The following CSGALNACT2 variants were observed in gnomAD, a reference collection of about 807,000 sequenced individuals.
The protein encoded by CSGALNACT2 is chondroitin sulfate N-acetylgalactosaminyltransferase 2.
In CSGALNACT2, 35 loss-of-function variants were observed where a neutral mutation model predicts 55.3. That is an observed-to-expected ratio of 0.63 (90% CI 0.48 to 0.84). CSGALNACT2 has a LOEUF of 0.84. Among genes scored for constraint, CSGALNACT2 ranks in the 40% least tolerant of loss-of-function variants. CSGALNACT2 has a pLI of 0.00. For missense variants in CSGALNACT2, 544 were observed against 657.5 expected (o/e 0.83, Z 1.89); for synonymous variants, 196 against 224.9 (o/e 0.87, Z 1.15).
Position 43,158,835 on chromosome 10 carries a change from A to G in CSGALNACT2, c.782A>G (p.Lys261Arg), listed in dbSNP as rs757936039. The G allele has an allele frequency of 1.2e-6, 2 of 1,611,120 alleles. No homozygotes were observed. Among genetic ancestry groups the G allele is most frequent in the Non-Finnish European group, 1.7e-6 (2 of 1,177,344 alleles). ...CCTTTTGGACCTCTCATGAAAGTGA[A>G]GAGTGAGATGATTGACATCACTAGA... ...FRPFGPLMKV[K>R]SEMIDITRSI... is the part of the protein sequence containing the mutation. The change falls in exon 3 of 8, where the codon AAG becomes AGG. Residue 261 changes from lysine (K) to arginine (R), a missense_variant. By Grantham distance (26) the Lys-to-Arg change is conservative. Transcript: ENST00000374466.
rs1370272470 is a variant in CSGALNACT2 at position 43,147,334 on chromosome 10, G to A, written c.-253-7563G>A. On this transcript the variant is annotated intron_variant, in intron 1 of 7. Transcript: ENST00000374466. ...AGGCCTTTTCCCACATTTTAATTGA[G>A]TTGTGTTTGTTATTATTTCATTTTG... is the stretch of plus-strand genomic sequence containing the variant. Among the ~76,000 whole-genome samples the A allele has an allele frequency of 8.7e-5, 5 of 57,600 alleles. No individual in the cohort carries two copies. In the South Asian group the frequency reaches 1.8e-3, roughly 20 times the overall value. The allele number at this position is 57,600 out of a possible 152,430, so 37.8% of individuals were successfully genotyped here.
intron 7 of CSGALNACT2, among the ~76,000 whole-genome samples, chr10:43,182,211 G>A (rs1234496753): frequency 6.6e-6 from 1 of 151,812 alleles, no homozygotes; most frequent in South Asian, 2.1e-4. Context: ...CATTTATGCT[G>A]CCAGGTCCAG....
At chr10:43,142,438 G>A (rs765829690) in intron 1 of CSGALNACT2, among the ~76,000 whole-genome samples, 2 of 152,078 alleles carry the variant, frequency 1.3e-5, no homozygotes, top group Non-Finnish European at 2.9e-5. Context: ...TCCTGACCTC[G>A]TGATCTGCCT....
At chr10:43,142,329 G>A (rs960266803) in intron 1 of CSGALNACT2, among the ~76,000 whole-genome samples, 43 of 151,626 alleles carry the variant, frequency 2.8e-4, no homozygotes, top group African/African-American at 9.5e-4. Flanking sequence ...CTCCTGCCTC[G>A]GCTTCCTGAG....
rs894157599 is a variant in CSGALNACT2, at chr10:43,140,193, AAAG to A, written c.-254+1628_-254+1630del. On this transcript the variant is annotated intron_variant, in intron 1 of 7. Coordinates refer to ENST00000374466, the MANE Select transcript of CSGALNACT2 (RefSeq NM_018590.5). ...CGGTCTCAAAAAGAAAAGAAAAAAA[AAAG>A]AGTACTGTGGACATTCTTGTAAATT... Among the ~76,000 whole-genome samples the A allele has an allele frequency of 2.0e-4, 31 of 152,324 alleles. No homozygotes were observed. In the South Asian group the frequency reaches 4.2e-3, roughly 20 times the overall value.
At chr10:43,166,887 T>TA in intron 5 of CSGALNACT2, 117 bp from the exon 6 acceptor site, 1 of 577,328 alleles carries the variant, frequency 1.7e-6, no homozygotes, top group Non-Finnish European at 3.1e-6. Flanking sequence ...GCCTGAATAT[T>TA]AAAAAATAGA....
chr10:43,152,637 A>G (rs959068999), intron 1 of CSGALNACT2, among the ~76,000 whole-genome samples: 4 of 152,218 alleles, frequency 2.6e-5, no homozygotes, highest in African/African-American at 9.6e-5. Flanking sequence ...TATAGCTCAT[A>G]GTCTAAAATA....
At chr10:43,153,179 A>G (rs1838915290) in intron 1 of CSGALNACT2, among the ~76,000 whole-genome samples, 1 of 152,210 alleles carries the variant, frequency 6.6e-6, no homozygotes, top group Non-Finnish European at 1.5e-5. Context: ...TACTAAAAAT[A>G]CAAAAATTAG....
At chr10:43,173,577 T>C (rs1839422475) in intron 6 of CSGALNACT2, among the ~76,000 whole-genome samples, 1 of 152,236 alleles carries the variant, frequency 6.6e-6, no homozygotes, top group East Asian at 1.9e-4. Context: ...GAAGAATTTT[T>C]AGAGAAACTA....
chr10:43,142,475 T>C (rs1207266770), intron 1 of CSGALNACT2, among the ~76,000 whole-genome samples: 1 of 152,206 alleles, frequency 6.6e-6, no homozygotes, highest in East Asian at 1.9e-4. Context: ...GTGCTGGGAT[T>C]ACACGCATGA....
chr10:43,152,954 T>C (rs1335896416), intron 1 of CSGALNACT2, among the ~76,000 whole-genome samples: 2 of 152,228 alleles, frequency 1.3e-5, no homozygotes, highest in Non-Finnish European at 2.9e-5. Flanking sequence ...GAAATAATAC[T>C]AGTTATTTTT....
chr10:43,151,775 T>G (rs1457574712), intron 1 of CSGALNACT2, among the ~76,000 whole-genome samples: 1 of 152,202 alleles, frequency 6.6e-6, no homozygotes, highest in Non-Finnish European at 1.5e-5. Flanking sequence ...TAGGTTCCCC[T>G]CCTTGTGTGG....
At chr10:43,179,012 A>G (rs1433639768) in intron 7 of CSGALNACT2, among the ~76,000 whole-genome samples, 1 of 152,050 alleles carries the variant, frequency 6.6e-6, no homozygotes, top group African/African-American at 2.4e-5. Flanking sequence ...AGCTACTCTA[A>G]TGAATTTTTA....
intron 1 of CSGALNACT2, among the ~76,000 whole-genome samples, chr10:43,146,415 C>T (rs541383305): frequency 2.2e-4 from 33 of 152,342 alleles, no homozygotes; most frequent in Admixed American, 2.0e-3. Context: ...ATTCTACCCC[C>T]GCTGGCAGCT....
intron 1 of CSGALNACT2, among the ~76,000 whole-genome samples, chr10:43,147,776 A>C (rs1021270185): frequency 3.0e-5 from 4 of 135,390 alleles, no homozygotes; most frequent in Non-Finnish European, 6.4e-5. Context: ...TTGCTTGTCG[A>C]GTTATCTTTT....
chr10:43,170,719 G>A (rs1839365480), intron 6 of CSGALNACT2, among the ~76,000 whole-genome samples: 1 of 152,146 alleles, frequency 6.6e-6, no homozygotes, highest in African/African-American at 2.4e-5. Context: ...AAAGAACATA[G>A]TATGGAAAGA....
chr10:43,176,176 G>A, intron 7 of CSGALNACT2, 144 bp downstream of exon 7: 3 of 524,562 alleles, frequency 5.7e-6, no homozygotes, highest in South Asian at 3.9e-5. Flanking sequence ...ATATACAAAA[G>A]GCAAAATAAG....
intron 6 of CSGALNACT2, among the ~76,000 whole-genome samples, chr10:43,172,565 G>A (rs1839403246): frequency 6.6e-6 from 1 of 152,300 alleles, no homozygotes; most frequent in African/African-American, 2.4e-5. Flanking sequence ...GCTGGGTGAT[G>A]TGGCTCCGCA....
chr10:43,159,623 A>G (rs1839101307), intron 3 of CSGALNACT2, among the ~76,000 whole-genome samples: 1 of 152,132 alleles, frequency 6.6e-6, no homozygotes. Context: ...ATTGAAATAC[A>G]TTTAGACATA....
Sources: allele counts gnomAD v4.1 joint callset (sites outside exome capture counted in the v4.1 genomes callset), GRCh38; gene constraint gnomAD v4.1.1; transcripts MANE v1.5; gene names NCBI Gene and HGNC (gene_info 2026-07-23, HGNC 2026-07-21).